The following ARHGAP15 variants were observed in gnomAD, a reference collection of about 807,000 sequenced individuals.
ARHGAP15 encodes Rho GTPase activating protein 15.
Under a neutral mutation model 63.7 loss-of-function variants are expected in ARHGAP15, and 51 were observed. The ratio of observed to expected loss-of-function variants is 0.80; its 90% CI spans 0.64 to 1.01. The LOEUF (loss-of-function observed/expected upper bound fraction) is 1.01. Ranked by LOEUF, ARHGAP15 falls within the 50% of genes least tolerant of loss-of-function variation. The pLI is 0.00. For missense variants in ARHGAP15, 560 were observed against 564.6 expected (o/e 0.99, Z 0.08); for synonymous variants, 191 against 193.8 (o/e 0.99, Z 0.12).
At chr2:143,150,358 T>C (rs559063154) in intron 1 of ARHGAP15, among the ~76,000 whole-genome samples, 1 of 152,094 alleles carries the variant, frequency 6.6e-6, no homozygotes, top group South Asian at 2.1e-4. Context: ...AGATGAAATA[T>C]CATGTTCACT....
chr2:143,248,942 A>C (rs1679987258), intron 5 of ARHGAP15, among the ~76,000 whole-genome samples: 1 of 152,116 alleles, frequency 6.6e-6, no homozygotes, highest in Non-Finnish European at 1.5e-5. Flanking sequence ...TTTGTTACGT[A>C]CTCTTAATGA....
intron 6 of ARHGAP15, among the ~76,000 whole-genome samples, chr2:143,396,371 C>G (rs1327511256): frequency 1.3e-5 from 2 of 152,076 alleles, no homozygotes; most frequent in Non-Finnish European, 2.9e-5. Context: ...GCCATAACTA[C>G]ATTTTCAATA....
chr2:143,480,160 A>G (rs1692008628), intron 8 of ARHGAP15, among the ~76,000 whole-genome samples: 1 of 152,340 alleles, frequency 6.6e-6, no homozygotes, highest in Middle Eastern at 3.4e-3. Flanking sequence ...TACTAAGTCT[A>G]TACATGAAAA....
chr2:143,657,198 T>A (rs1477797234), intron 12 of ARHGAP15, among the ~76,000 whole-genome samples: 2 of 152,004 alleles, frequency 1.3e-5, no homozygotes, highest in Non-Finnish European at 2.9e-5. Context: ...TCCAAAAAAA[T>A]TAGCCGGGCG....
At position 143,472,320 on chromosome 2, in the gene ARHGAP15, C is replaced by T. The variant is rs367808936; in HGVS notation, c.704-15053C>T. 1.4e-4 allele frequency among the ~76,000 whole-genome samples: 22 copies of T among 152,178 alleles called. 1 individual carries two copies. Among genetic ancestry groups the T allele is most frequent in the Admixed American group, 9.2e-4 (14 of 15,288 alleles). The stretch of plus-strand genomic sequence containing the variant: ...TAGGAGAAGTGGTAGTAGTAACCCA[C>T]ACCATGCATTCACCAGGGAGATTTA... On this transcript the variant is annotated intron_variant, in intron 8 of 13. Transcript: ENST00000295095.
At chr2:143,229,837 C>T (rs1189747063) in intron 5 of ARHGAP15, among the ~76,000 whole-genome samples, 2 of 152,156 alleles carry the variant, frequency 1.3e-5, no homozygotes, top group African/African-American at 4.8e-5. Context: ...TAGCATTTGA[C>T]TTGCTTCTGA....
chr2:143,286,329 G>C (rs1057319540), intron 6 of ARHGAP15, among the ~76,000 whole-genome samples: 3 of 152,174 alleles, frequency 2.0e-5, no homozygotes, highest in Non-Finnish European at 2.9e-5. Context: ...ACAGACCACA[G>C]TGTGCTATGC....
intron 5 of ARHGAP15, chr2:143,236,144 G>T: frequency 1.3e-6 from 1 of 783,672 alleles, no homozygotes; most frequent in Non-Finnish European, 1.8e-6. Flanking sequence ...TTTTTGTTTT[G>T]TTTTGTTTTT....
chr2:143,520,743 A>G (rs1260204229), intron 10 of ARHGAP15, among the ~76,000 whole-genome samples: 2 of 152,192 alleles, frequency 1.3e-5, no homozygotes, highest in Admixed American at 1.3e-4. Flanking sequence ...CAATAACTAA[A>G]TTGTCATCAT....
intron 12 of ARHGAP15, among the ~76,000 whole-genome samples, chr2:143,675,836 G>T (rs1682798889): frequency 6.6e-6 from 1 of 152,216 alleles, no homozygotes; most frequent in Non-Finnish European, 1.5e-5. Flanking sequence ...GTCACCAGCT[G>T]CATTAACCCC....
chr2:143,475,728 A>G (rs1164278037), intron 8 of ARHGAP15, among the ~76,000 whole-genome samples: 1 of 152,246 alleles, frequency 6.6e-6, no homozygotes, highest in African/African-American at 2.4e-5. Flanking sequence ...CAGAGCAGCC[A>G]TCCTCCTGGG....
intron 6 of ARHGAP15, among the ~76,000 whole-genome samples, chr2:143,397,562 A>G (rs914182382): frequency 1.4e-5 from 2 of 142,160 alleles, no homozygotes; most frequent in Admixed American, 1.5e-4. Context: ...TATTGGCAAA[A>G]AAAAACGAAG....
chr2:143,323,916 A>AC (rs1684137999), intron 6 of ARHGAP15, among the ~76,000 whole-genome samples: 2 of 148,120 alleles, frequency 1.4e-5, no homozygotes, highest in African/African-American at 5.1e-5. Context: ...AAAAAAAAAA[A>AC]AAAAAAACAC....
chr2:143,463,620 T>C (rs1185065460), intron 8 of ARHGAP15, among the ~76,000 whole-genome samples: 2 of 152,134 alleles, frequency 1.3e-5, no homozygotes, highest in Non-Finnish European at 2.9e-5. Context: ...CCTTTTTATC[T>C]AACCATCCAT....
At position 143,249,661 on chromosome 2, in the gene ARHGAP15, A is replaced by G. The variant is rs533461693; in HGVS notation, c.385-850A>G. On this transcript the variant is annotated intron_variant, in intron 5 of 13. Coordinates refer to ENST00000295095, the MANE Select transcript of ARHGAP15 (RefSeq NM_018460.4). ...AACTTTTTAAAAAATAATTGGCGGT[A>G]TGGAGGTATGCCAATGTAAAGTTGT... Among the ~76,000 whole-genome samples, 5 of 152,244 alleles carry G rather than the reference A, an allele frequency of 3.3e-5. No individual in the cohort carries two copies. In the South Asian group the frequency reaches 1.0e-3, roughly 32 times the overall value.
chr2:143,738,176 A>C (rs547710468), intron 13 of ARHGAP15, among the ~76,000 whole-genome samples: 130 of 152,286 alleles, frequency 8.5e-4, no homozygotes, highest in South Asian at 5.0e-3. Context: ...TAGCAGATGA[A>C]ATCTATTGAA....
intron 6 of ARHGAP15, among the ~76,000 whole-genome samples, chr2:143,419,250 G>C (rs1176690578): frequency 6.6e-6 from 1 of 152,184 alleles, no homozygotes; most frequent in African/African-American, 2.4e-5. Context: ...TTACTTCAGA[G>C]AAAATATGAA....
At chr2:143,208,618 G>A (rs1001215460) in intron 3 of ARHGAP15, among the ~76,000 whole-genome samples, 3 of 152,052 alleles carry the variant, frequency 2.0e-5, no homozygotes, top group Admixed American at 1.3e-4. Flanking sequence ...CCTGAGAATC[G>A]GTGTGGTTGC....
At chr2:143,295,802 T>A (rs1682608711) in intron 6 of ARHGAP15, 1 of 152,062 alleles carries the variant, frequency 6.6e-6, no homozygotes, top group East Asian at 1.9e-4. Flanking sequence ...TGGTAATGCC[T>A]GGCACTCTAT....
Sources: allele counts gnomAD v4.1 joint callset (sites outside exome capture counted in the v4.1 genomes callset), GRCh38; gene constraint gnomAD v4.1.1; transcripts MANE v1.5; gene names NCBI Gene and HGNC (gene_info 2026-07-23, HGNC 2026-07-21).